The following XPR1 variants were observed in gnomAD, a reference collection of about 807,000 sequenced individuals.
XPR1 encodes xenotropic and polytropic retrovirus receptor 1.
A neutral mutation model predicts 87.5 loss-of-function variants in XPR1; 28 were observed. That is an observed-to-expected ratio of 0.32 (90% confidence interval 0.24 to 0.44). The LOEUF (loss-of-function observed/expected upper bound fraction) is 0.44, where lower values mean the gene tolerates loss of function less well. Ranked by LOEUF, XPR1 falls within the 20% of genes least tolerant of loss-of-function variation. XPR1 has a pLI of 1.00. For synonymous variants in XPR1, 300 were observed against 306.1 expected, an observed-to-expected ratio of 0.98 and a Z score of 0.21; for missense variants, 559 against 862.3, an observed-to-expected ratio of 0.65 and a Z score of 4.41.
intron 1 of XPR1, among the ~76,000 whole-genome samples, chr1:180,670,163 C>T (rs1656116485): frequency 6.6e-6 from 1 of 152,076 alleles, no homozygotes; most frequent in Non-Finnish European, 1.5e-5. Context: ...ATAGTTGAAT[C>T]ATGTATTTTT....
At chr1:180,692,419 A>G (rs1051982210) in intron 2 of XPR1, among the ~76,000 whole-genome samples, 1 of 152,262 alleles carries the variant, frequency 6.6e-6, no homozygotes, top group East Asian at 1.9e-4. Flanking sequence ...CTCTTTAAGA[A>G]TGATATATTT....
intron 7 of XPR1, 39 bp from the exon 8 acceptor site, chr1:180,824,714 T>C (rs1047174914): frequency 2.0e-6 from 3 of 1,519,904 alleles, no homozygotes; most frequent in East Asian, 4.5e-5. Flanking sequence ...AGGGAAGTTA[T>C]GAATTTTATA....
intron 2 of XPR1, among the ~76,000 whole-genome samples, chr1:180,688,842 C>T (rs1656878301): frequency 6.6e-6 from 1 of 152,120 alleles, no homozygotes. Flanking sequence ...GGTAAATGCT[C>T]ACATCCTTAC....
At chr1:180,713,240 G>T (rs1657868881) in intron 2 of XPR1, among the ~76,000 whole-genome samples, 2 of 151,678 alleles carry the variant, frequency 1.3e-5, no homozygotes, top group Non-Finnish European at 1.5e-5. Context: ...AATTTTTTTT[G>T]ATGCTCTTGC....
At chr1:180,650,653 A>C (rs187931803) in intron 1 of XPR1, among the ~76,000 whole-genome samples, 4 of 152,356 alleles carry the variant, frequency 2.6e-5, no homozygotes, top group African/African-American at 9.6e-5. Flanking sequence ...GATAAGATAG[A>C]ATCTTTAGGA....
At chr1:180,779,322 G>A (rs1193700646) in intron 2 of XPR1, among the ~76,000 whole-genome samples, 1 of 152,112 alleles carries the variant, frequency 6.6e-6, no homozygotes, top group Non-Finnish European at 1.5e-5. Flanking sequence ...AACTGTGTGA[G>A]GGCAGGACCT....
At chr1:180,671,711 C>T (rs973337450) in intron 1 of XPR1, among the ~76,000 whole-genome samples, 2 of 152,098 alleles carry the variant, frequency 1.3e-5, no homozygotes, top group East Asian at 1.9e-4. Flanking sequence ...GACAGGGTCT[C>T]ACCATGTTGG....
intron 7 of XPR1, among the ~76,000 whole-genome samples, chr1:180,811,711 A>G (rs1650221703): frequency 6.6e-6 from 1 of 152,002 alleles, no homozygotes. Flanking sequence ...TTGCTCATGT[A>G]TGACTTCTTT....
At chr1:180,866,946 A>T (rs552303557) in intron 12 of XPR1, among the ~76,000 whole-genome samples, 2 of 108,674 alleles carry the variant, frequency 1.8e-5, no homozygotes, top group South Asian at 7.9e-4. Context: ...ATATCTCCCA[A>T]TGCTATCCCT....
intron 13 of XPR1, among the ~76,000 whole-genome samples, chr1:180,874,632 G>A (rs1484448138): frequency 6.6e-6 from 1 of 152,060 alleles, no homozygotes; most frequent in East Asian, 1.9e-4. Flanking sequence ...AGAGGTTGCA[G>A]TGAGCCAAGA....
At chr1:180,842,517 C>G (rs1323285231) in intron 11 of XPR1, among the ~76,000 whole-genome samples, 1 of 152,094 alleles carries the variant, frequency 6.6e-6, no homozygotes, top group African/African-American at 2.4e-5. Flanking sequence ...ATTTTAGAAA[C>G]AAAGGAATTT....
rs116221246 is a variant in XPR1 at position 180,694,512 on chromosome 1, C to T, written c.121+12101C>T. Among the ~76,000 whole-genome samples, 1,204 of 152,214 alleles carry T rather than the reference C, an allele frequency of 7.9e-3. 17 individuals are homozygous for T. Among genetic ancestry groups the T allele is most frequent in the African/African-American group, 0.028 (1,150 of 41,532 alleles). On this transcript the variant is annotated intron_variant, in intron 2 of 14. Transcript: ENST00000367590. ...TTTATCTGCCTCTAGTGATAGTTAC[C>T]TGCAAAATATTCCAAGTTATACCTC... is the stretch of plus-strand genomic sequence containing the variant.
Position 180,746,295 on chromosome 1 carries a change from C to T in XPR1, c.122-41458C>T, listed in dbSNP as rs554493100. On this transcript the variant is annotated intron_variant, in intron 2 of 14. Coordinates refer to ENST00000367590, the MANE Select transcript of XPR1 (RefSeq NM_004736.4). ...CCCACCTTCCTCTCTTCTGAGTCTT[C>T]GGTGTCCATTATACCATTCTGTATG... is the stretch of plus-strand genomic sequence containing the variant. Among the ~76,000 whole-genome samples the T allele has an allele frequency of 1.2e-4, 18 of 152,226 alleles. No homozygotes were observed. The East Asian group carries it at 1.5e-3, about 13-fold the overall frequency.
chr1:180,879,596 A>G (rs781729202), intron 13 of XPR1, among the ~76,000 whole-genome samples: 5 of 152,318 alleles, frequency 3.3e-5, no homozygotes, highest in East Asian at 1.9e-4. Flanking sequence ...CAGGTTTTCA[A>G]TAGCTGCCAT....
At position 180,820,351 on chromosome 1, in the gene XPR1, A is replaced by G. The variant is rs567388266; in HGVS notation, c.764-4402A>G. Among the ~76,000 whole-genome samples the G allele has an allele frequency of 2.0e-4, 30 of 152,216 alleles. 1 individual carries two copies. The South Asian group carries it at 5.0e-3, about 25-fold the overall frequency. On this transcript the variant is annotated intron_variant, in intron 7 of 14. Coordinates refer to ENST00000367590, the MANE Select transcript of XPR1 (RefSeq NM_004736.4). ...CTCTATGAATGTTCCTATTCTGGGT[A>G]TGTCCATAAATGGTGTCATACAATA...
chr1:180,805,339 T>G (rs1362515461), intron 4 of XPR1, among the ~76,000 whole-genome samples: 2 of 152,172 alleles, frequency 1.3e-5, no homozygotes, highest in Admixed American at 6.5e-5. Flanking sequence ...CAAATTGAGT[T>G]TTTAGCTTTT....
intron 2 of XPR1, among the ~76,000 whole-genome samples, chr1:180,776,795 G>A (rs1411865344): frequency 6.6e-6 from 1 of 152,028 alleles, no homozygotes; most frequent in Non-Finnish European, 1.5e-5. Flanking sequence ...AGCTTGGATT[G>A]TATTGTATCT....
At chr1:180,673,117 G>A (rs1656240939) in intron 1 of XPR1, among the ~76,000 whole-genome samples, 1 of 152,118 alleles carries the variant, frequency 6.6e-6, no homozygotes, top group South Asian at 2.1e-4. Flanking sequence ...CTGATAGGAA[G>A]TAGGAGTTTT....
At chr1:180,704,821 T>TTG (rs1346220853) in intron 2 of XPR1, among the ~76,000 whole-genome samples, 7 of 143,068 alleles carry the variant, frequency 4.9e-5, no homozygotes, top group African/African-American at 1.8e-4. Context: ...GTTGTTTTTT[T>TTG]TTTTTTTTTT....
Sources: allele counts gnomAD v4.1 joint callset (sites outside exome capture counted in the v4.1 genomes callset), GRCh38; gene constraint gnomAD v4.1.1; transcripts MANE v1.5; gene names NCBI Gene and HGNC (gene_info 2026-07-23, HGNC 2026-07-21).